Variants in MYH15 observed in about 807,000 individuals in gnomAD.
MYH15 encodes the protein myosin heavy chain 15.
In MYH15, 227 loss-of-function variants were observed where a neutral mutation model predicts 240.5. The observed-to-expected ratio is 0.94, with a 90% CI of 0.85 to 1.05. MYH15 has a LOEUF of 1.05. Ranked by LOEUF, MYH15 falls within the 50% of genes least tolerant of loss-of-function variation. The pLI is 0.00. For synonymous variants in MYH15, 785 were observed against 796.7 expected (o/e 0.99, Z 0.25); for missense variants, 2,217 against 2,247.5 (o/e 0.99, Z 0.27).
At chr3:108,501,959 G>A (rs1048455001) in intron 2 of MYH15, 104 bp from the exon 3 acceptor site, 12 of 1,248,160 alleles carry the variant, frequency 9.6e-6, no homozygotes, top group South Asian at 1.4e-5. Context: ...AAAAAATGAT[G>A]CCTCATTAGG....
In MYH15 at chr3:108,500,193, T is replaced by C. The variant is rs1456806753; in HGVS notation, c.421A>G (p.Lys141Glu). The C allele has an allele frequency of 6.2e-7, 1 of 1,614,124 alleles. No homozygotes were observed. The highest frequency in any genetic ancestry group is 2.2e-5 in the East Asian group (1 of 44,888). ...GGAGCCTCTGATCGCCTCTTCCCTT[T>C]GTAGGCGGCCATGACTTCTTTCTGA... is the stretch of plus-strand genomic sequence containing the variant. ...VYQKEVMAAY[K>E]GKRRSEAPPH... Residue 141 changes from lysine to glutamate, a missense_variant, in exon 4 of 41, where the codon AAA becomes GAA. Lys to Glu is a moderately conservative substitution (Grantham distance 56). Coordinates refer to ENST00000693548, the MANE Select transcript of MYH15 (RefSeq NM_014981.3).
Position 108,470,724 on chromosome 3 carries a change from C to T in MYH15, c.1357G>A (p.Asp453Asn), listed in dbSNP as rs202140390. 3.5e-5 allele frequency: 57 copies of T among 1,613,636 alleles called. No individual in the cohort carries two copies. The Middle Eastern group carries it at 6.6e-4, about 19-fold the overall frequency. The change falls in exon 13 of 41, where the codon GAC (aspartate) becomes AAC (asparagine). Residue 453 changes from aspartate (D) to asparagine (N), a missense_variant. Physicochemically the swap from Asp to Asn is conservative, Grantham distance 23. Transcript: ENST00000693548. ...LSRQFFIGIL[D>N]ITGFEILEYN... ...TCAAGGATTTCAAAACCAGTGATGT[C>T]AAGAATGCCAATGAAGAACTGCCTT... is the stretch of plus-strand genomic sequence containing the variant.
At chr3:108,479,055 G>T (rs559295791) in intron 11 of MYH15, among the ~76,000 whole-genome samples, 3 of 152,216 alleles carry the variant, frequency 2.0e-5, no homozygotes, top group African/African-American at 7.2e-5. Flanking sequence ...AGGTCATCAT[G>T]TTCCAAAAAG....
At chr3:108,539,993 C>G in the MYH15 span, among the ~76,000 whole-genome samples, 2 of 152,138 alleles carry the variant, frequency 1.3e-5, no homozygotes, top group African/African-American at 4.8e-5. Flanking sequence ...CCCACATGAG[C>G]ACACACAAAA....
intron 21 of MYH15, among the ~76,000 whole-genome samples, chr3:108,451,864 GATTA>G (rs1380897997): frequency 6.6e-6 from 1 of 151,746 alleles, no homozygotes; most frequent in Non-Finnish European, 1.5e-5. Context: ...CACATTTATA[GATTA>G]ATTCAGAAAA....
chr3:108,485,039 G>A, intron 11 of MYH15, 52 bp downstream of exon 11: 1 of 1,587,098 alleles, frequency 6.3e-7, no homozygotes, highest in South Asian at 1.1e-5. Context: ...AGGGGAGCAG[G>A]CTTGGGCCCA....
At chr3:108,426,872 A>G (rs2082728958) in intron 27 of MYH15, among the ~76,000 whole-genome samples, 7 of 152,218 alleles carry the variant, frequency 4.6e-5, no homozygotes, top group Admixed American at 4.6e-4. Flanking sequence ...GTATGTCCAG[A>G]AGGTCAGACA....
intron 31 of MYH15, 50 bp from the exon 32 acceptor site, chr3:108,408,454 AACCAATGAT>A: frequency 6.5e-7 from 1 of 1,547,648 alleles, no homozygotes; most frequent in Non-Finnish European, 8.7e-7. Flanking sequence ...CTCAGTCTCA[AACCAATGAT>A]ACCAGGCACA....
chr3:108,383,759 T>TC, intron 39 of MYH15, 30 bp from the exon 40 acceptor site: 9 of 1,337,224 alleles, frequency 6.7e-6, no homozygotes, highest in Non-Finnish European at 8.1e-6. Context: ...AAAAAAGAAA[T>TC]CTCCATGCCT....
intron 40 of MYH15, 133 bp downstream of exon 40, chr3:108,383,462 G>C (rs1157418984): frequency 3.3e-6 from 3 of 919,972 alleles, no homozygotes; most frequent in Non-Finnish European, 4.6e-6. Flanking sequence ...GATTTTATTG[G>C]AACCCTTTGT....
intron 6 of MYH15, among the ~76,000 whole-genome samples, chr3:108,496,832 ATGCTTGT>A: frequency 6.6e-6 from 1 of 151,296 alleles, no homozygotes; most frequent in Non-Finnish European, 1.5e-5. Flanking sequence ...AACATCTAAA[ATGCTTGT>A]AAAAACAAAG....
chr3:108,397,185 A>G (rs2082468374), intron 35 of MYH15, among the ~76,000 whole-genome samples: 1 of 152,206 alleles, frequency 6.6e-6, no homozygotes, highest in Non-Finnish European at 1.5e-5. Context: ...ATGAGCTGCA[A>G]GATAAAATTC....
Position 108,492,201 on chromosome 3 carries a change from T to TACACACACACACACAC in MYH15, c.871+283_871+298dup, listed in dbSNP as rs10662107. ...TTAAGGCCTTAAATTAATGCTTTTATACACACACACACACACACACACACA... is the reference window on the plus strand; with the variant it reads ...TTAAGGCCTTAAATTAATGCTTTTATACACACACACACACACACACACACACACACACACACACACA... On this transcript the variant is annotated intron_variant, in intron 9 of 40. Transcript: ENST00000693548. Among the ~76,000 whole-genome samples, 74 of 148,026 alleles carry TACACACACACACACAC rather than the reference T, an allele frequency of 5.0e-4. No individual in the cohort carries two copies. The East Asian group carries it at 5.2e-3, about 10-fold the overall frequency.
intron 25 of MYH15, among the ~76,000 whole-genome samples, chr3:108,437,008 C>A (rs2082843911): frequency 6.6e-6 from 1 of 152,110 alleles, no homozygotes; most frequent in Non-Finnish European, 1.5e-5. Flanking sequence ...TGTAAGGAAT[C>A]CAGATGAATT....
intron 6 of MYH15, among the ~76,000 whole-genome samples, chr3:108,496,109 C>T (rs566865219): frequency 1.3e-5 from 2 of 152,308 alleles, no homozygotes; most frequent in South Asian, 4.1e-4. Flanking sequence ...ATTTGCAATG[C>T]TTCTTTTTTG....
intron 18 of MYH15, 69 bp from the exon 19 acceptor site, chr3:108,456,952 A>C: frequency 8.9e-7 from 1 of 1,120,292 alleles, no homozygotes; most frequent in Non-Finnish European, 1.3e-6. Context: ...TTTTGAACCA[A>C]TTGCTGCATC....
At chr3:108,539,263 T>C in the MYH15 span, among the ~76,000 whole-genome samples, 1 of 152,280 alleles carries the variant, frequency 6.6e-6, no homozygotes, top group East Asian at 1.9e-4. Flanking sequence ...TGAGTCCATA[T>C]ATATAAAGCT....
chr3:108,421,321 C>G (rs1412242111), intron 27 of MYH15, 107 bp from the exon 28 acceptor site: 1 of 1,314,962 alleles, frequency 7.6e-7, no homozygotes, highest in Non-Finnish European at 1.0e-6. Flanking sequence ...ATGCTCTCTT[C>G]TGTAGTAAAG....
chr3:108,415,629 C>G (rs1254064979), intron 29 of MYH15, among the ~76,000 whole-genome samples: 3 of 152,092 alleles, frequency 2.0e-5, no homozygotes, highest in Non-Finnish European at 4.4e-5. Flanking sequence ...AGCAGTAAAA[C>G]AAACACAGCA....
Sources: allele counts gnomAD v4.1 joint callset (sites outside exome capture counted in the v4.1 genomes callset), GRCh38; gene constraint gnomAD v4.1.1; transcripts MANE v1.5; gene names NCBI Gene and HGNC (gene_info 2026-07-23, HGNC 2026-07-21).